C14orf180: variants seen among roughly 807,000 people sequenced by gnomAD.
C14orf180 encodes the protein nutritionally-regulated adipose and cardiac enriched protein homolog.
In C14orf180, 13 loss-of-function variants were observed where a neutral mutation model predicts 13.9. That is an observed-to-expected ratio of 0.94 (90% CI 0.61 to 1.49). The LOEUF is 1.49. Ranked by LOEUF, C14orf180 falls within the 40% of genes most tolerant of loss-of-function variation. The pLI is 0.00. For synonymous variants in C14orf180, 113 were observed against 106.3 expected (o/e 1.06, Z -0.39); for missense variants, 238 against 232.0 (o/e 1.03, Z -0.17).
In C14orf180 at chr14:104,587,892, C is replaced by G; in HGVS notation, c.241+14C>G. Reference sequence around the variant, plus strand: ...TGACCGTCCACTGTAAGAGGGCACCCGCAGCAAGCAGCTGGGAGAGGGTGG... The same window carrying G: ...TGACCGTCCACTGTAAGAGGGCACCGGCAGCAAGCAGCTGGGAGAGGGTGG... On this transcript the variant is annotated intron_variant, in intron 3 of 4. Transcript: ENST00000557649. 1 of 1,596,086 alleles carries G rather than the reference C, an allele frequency of 6.3e-7. No individual in the cohort carries two copies. The highest frequency in any genetic ancestry group is 8.5e-7 in the Non-Finnish European group (1 of 1,169,784).
rs1391517104 is a variant in C14orf180 at position 104,590,204 on chromosome 14, C to A, written c.*1421C>A. The A allele has an allele frequency of 6.6e-6, 1 of 152,218 alleles. No homozygotes were observed. The highest frequency in any genetic ancestry group is 1.5e-5 in the Non-Finnish European group (1 of 68,036). The allele number at this position is 152,218 out of a possible 1,614,324, so 9.4% of individuals were successfully genotyped here. On this transcript the variant is annotated 3_prime_UTR_variant, in exon 5 of 5. Coordinates refer to ENST00000557649, the MANE Select transcript of C14orf180 (RefSeq NM_001008404.3). ...CCCAGAAGGGACCATGGTGGGGGCT[C>A]CCCCGGGGACCCTCCAGCATCTCTC... is the stretch of plus-strand genomic sequence containing the variant.
Position 104,587,771 on chromosome 14 carries a change from C to G in C14orf180, c.134C>G (p.Pro45Arg), listed in dbSNP as rs766243629. The change falls in exon 3 of 5, where the codon CCC becomes CGC. Residue 45 changes from proline (P) to arginine (R), a missense_variant. Coordinates refer to ENST00000557649, the MANE Select transcript of C14orf180 (RefSeq NM_001008404.3). ...CAGGAGGACAACAGGAAGTGCCCCC[C>G]CTCCATCCTGAAACGGAGCCGGCCG... Reference protein sequence around the residue: ...AEREDNRKCPPSILKRSRPEH... With the variant: ...AEREDNRKCPRSILKRSRPEH... The G allele has an allele frequency of 2.5e-6, 4 of 1,612,744 alleles. No individual in the cohort carries two copies. The South Asian group carries it at 3.3e-5, about 13-fold the overall frequency.
Position 104,589,008 on chromosome 14 carries a change from C to T in C14orf180, c.*225C>T, listed in dbSNP as rs1886752148. The T allele has an allele frequency of 5.6e-6, 5 of 891,482 alleles. No homozygotes were observed. The highest frequency in any genetic ancestry group is 8.1e-6 in the Non-Finnish European group (5 of 614,462). The allele number at this position is 891,482 out of a possible 1,614,324, so 55.2% of individuals were successfully genotyped here. On this transcript the variant is annotated 3_prime_UTR_variant, in exon 5 of 5. Coordinates refer to ENST00000557649, the MANE Select transcript of C14orf180 (RefSeq NM_001008404.3). This position sits in a 1 kb window ranked among gnomAD's most constrained non-coding sequence, Gnocchi z 4.9. ...CTAGTCAGCACAGCCCTCCTGTCTC[C>T]TGTGTTGGGTCCATGTGAGATTTTA...
chr14:104,587,870 C>T lies in C14orf180; in HGVS notation c.233C>T (p.Thr78Ile). Residue 78 changes from threonine to isoleucine, a missense_variant, in exon 3 of 5, where the codon ACC becomes ATC. Transcript: ENST00000557649. The stretch of plus-strand genomic sequence containing the variant: ...TGGTTCCGAGAACCCCCAGCGGTGA[C>T]CGTCCACTGTAAGAGGGCACCCGCA... ...RVWFREPPAV[T>I]VHYIADKNAT... is the part of the protein sequence containing the mutation. 6.2e-7 allele frequency: 1 copy of T among 1,607,428 alleles called. No homozygotes were observed. Among genetic ancestry groups the T allele is most frequent in the Non-Finnish European group, 8.5e-7 (1 of 1,177,220 alleles).
In C14orf180 at chr14:104,583,842, A is replaced by G. The variant is rs1254249184; in HGVS notation, c.-16-2573A>G. On this transcript the variant is annotated intron_variant, in intron 1 of 4. Coordinates refer to ENST00000557649, the MANE Select transcript of C14orf180 (RefSeq NM_001008404.3). The stretch of plus-strand genomic sequence containing the variant: ...CTCACACACACACACGGGCACATGC[A>G]TGGACACACACACACATGCATATTC... Among the ~76,000 whole-genome samples the G allele has an allele frequency of 2.6e-5, 4 of 152,076 alleles. 1 individual carries two copies. The highest frequency in any genetic ancestry group is 9.7e-5 in the African/African-American group (4 of 41,402).
rs943024952 is a variant in C14orf180 at position 104,588,803 on chromosome 14, G to A, written c.*20G>A. Reference sequence around the variant, plus strand: ...CTCTGACGGGCAGGACGGGCAGGACGGGCAGGGCTTCCAGGAGAGCTCAAG... The same window carrying A: ...CTCTGACGGGCAGGACGGGCAGGACAGGCAGGGCTTCCAGGAGAGCTCAAG... On this transcript the variant is annotated 3_prime_UTR_variant, in exon 5 of 5. Coordinates refer to ENST00000557649, the MANE Select transcript of C14orf180 (RefSeq NM_001008404.3). 1.6e-5 allele frequency: 21 copies of A among 1,305,298 alleles called. No individual in the cohort carries two copies. The highest frequency in any genetic ancestry group is 4.7e-5 in the South Asian group (3 of 64,356). The allele number at this position is 1,305,298 out of a possible 1,614,324, so 80.9% of individuals were successfully genotyped here. A position where few individuals can be genotyped will look rare whatever the true frequency, so the allele number is the denominator to read the frequency against.
intron 1 of C14orf180, among the ~76,000 whole-genome samples, chr14:104,582,789 T>C (rs538533512): frequency 1.2e-4 from 18 of 152,304 alleles, no homozygotes; most frequent in Non-Finnish European, 2.2e-4. Flanking sequence ...GCAGCGGGCC[T>C]AGCGGGACAC....
chr14:104,584,371 G>C (rs960997072), intron 1 of C14orf180, among the ~76,000 whole-genome samples: 7 of 152,184 alleles, frequency 4.6e-5, no homozygotes, highest in African/African-American at 1.7e-4. Context: ...GGGTCCAAGA[G>C]GTCACTGGGG....
chr14:104,587,835 G>A lies in C14orf180; in HGVS notation c.198G>A (p.Ser66=), dbSNP rs748580951. ...HRPEAKPQRT[S]RRVWFREPPA... ...CAGAGGCCAAGCCCCAGAGGACCTC[G>A]AGGCGCGTGTGGTTCCGAGAACCCC... Residue 66 remains serine, a synonymous_variant, in exon 3 of 5, where the codon TCG becomes TCA. Transcript: ENST00000557649. 1.8e-5 allele frequency: 29 copies of A among 1,611,490 alleles called. No individual in the cohort carries two copies. The highest frequency in any genetic ancestry group is 2.7e-5 in the African/African-American group (2 of 74,876).
At chr14:104,580,847 C>T (rs1306259599) in intron 1 of C14orf180, among the ~76,000 whole-genome samples, 26 of 152,258 alleles carry the variant, frequency 1.7e-4, no homozygotes. Context: ...CCCGCCCTGT[C>T]TGTCTGGAGC....
At chr14:104,583,554 G>A (rs977743281) in intron 1 of C14orf180, among the ~76,000 whole-genome samples, 5 of 152,178 alleles carry the variant, frequency 3.3e-5, no homozygotes, top group Admixed American at 6.5e-5. Context: ...ACTTGCCTAA[G>A]GTCACACGTG....
In C14orf180 at chr14:104,589,273, A is replaced by AG. The variant is rs1297122108; in HGVS notation, c.*493dup. 5 of 189,530 alleles carry AG rather than the reference A, an allele frequency of 2.6e-5. No homozygotes were observed. Among genetic ancestry groups the AG allele is most frequent in the Non-Finnish European group, 4.3e-5 (4 of 93,314 alleles). The allele number at this position is 189,530 out of a possible 1,614,324, so 11.7% of individuals were successfully genotyped here. On this transcript the variant is annotated 3_prime_UTR_variant, in exon 5 of 5. Transcript: ENST00000557649. The surrounding 1 kb of genome is among the most constrained non-coding windows in gnomAD (Gnocchi z 4.9). ...GACCTCGAAACCCCACGGGGAGGGAAGGGTCTGGTTGTCAAGGTGGGTCCC... is the reference window on the plus strand; with the variant it reads ...GACCTCGAAACCCCACGGGGAGGGAAGGGGTCTGGTTGTCAAGGTGGGTCCC...
At chr14:104,582,587 C>G (rs930239773) in intron 1 of C14orf180, among the ~76,000 whole-genome samples, 1 of 152,210 alleles carries the variant, frequency 6.6e-6, no homozygotes, top group Non-Finnish European at 1.5e-5. Flanking sequence ...CTGTCCCAAC[C>G]CAGGCTCTGA....
intron 1 of C14orf180, among the ~76,000 whole-genome samples, chr14:104,585,711 A>C (rs1034430012): frequency 1.6e-5 from 2 of 121,656 alleles, no homozygotes; most frequent in African/African-American, 1.2e-4. Context: ...GCAGGGAGAC[A>C]GAGATGGAGA....
At chr14:104,586,297 G>A in intron 1 of C14orf180, 118 bp from the exon 2 acceptor site, 1 of 621,334 alleles carries the variant, frequency 1.6e-6, no homozygotes, top group Non-Finnish European at 2.7e-6. Context: ...AGCGTGGCCG[G>A]TCGCAAGCCC....
intron 4 of C14orf180, 78 bp downstream of exon 4, chr14:104,588,387 G>C: frequency 6.3e-7 from 1 of 1,590,340 alleles, no homozygotes; most frequent in Non-Finnish European, 8.6e-7. Context: ...CCCCGAGGGA[G>C]GTGTCACAGG....
At chr14:104,584,314 G>A (rs912260993) in intron 1 of C14orf180, among the ~76,000 whole-genome samples, 5 of 152,184 alleles carry the variant, frequency 3.3e-5, no homozygotes, top group Non-Finnish European at 7.3e-5. Context: ...AAATGACCCC[G>A]AATGCACAAG....
At chr14:104,581,241 G>T (rs1056600355) in intron 1 of C14orf180, 3 of 152,238 alleles carry the variant, frequency 2.0e-5, no homozygotes, top group African/African-American at 7.2e-5. Context: ...GGAAAGGCCA[G>T]CGAGGCAGTG....
chr14:104,587,219 C>T (rs1372889627), intron 2 of C14orf180, among the ~76,000 whole-genome samples: 3 of 152,190 alleles, frequency 2.0e-5, no homozygotes, highest in East Asian at 1.9e-4. Flanking sequence ...TACACGTGAG[C>T]AGACCAGCAG....
Sources: allele counts gnomAD v4.1 joint callset (sites outside exome capture counted in the v4.1 genomes callset), GRCh38; gene constraint gnomAD v4.1.1; non-coding constraint Gnocchi (gnomAD v3.1); transcripts MANE v1.5; gene names NCBI Gene and HGNC (gene_info 2026-07-23, HGNC 2026-07-21).